Variants in ARSB observed in about 807,000 individuals in gnomAD.
ARSB encodes arylsulfatase B.
A neutral mutation model predicts 50.9 loss-of-function variants in ARSB; 41 were observed. That is an observed-to-expected ratio of 0.81 (90% CI 0.63 to 1.04). ARSB has a LOEUF of 1.04. ARSB is among the 50% of genes least tolerant of loss of function. The pLI is 0.00. For missense variants in ARSB, 672 were observed against 693.3 expected (o/e 0.97, Z 0.35); for synonymous variants, 269 against 284.8 (o/e 0.94, Z 0.56).
chr5:78,786,776 T>C (rs1475186652), intron 6 of ARSB, among the ~76,000 whole-genome samples: 4 of 152,162 alleles, frequency 2.6e-5, no homozygotes, highest in Admixed American at 6.5e-5. Flanking sequence ...CATGCCATCA[T>C]GCCCAGCTGA....
chr5:78,869,926 C>G (rs1285648635), intron 5 of ARSB, among the ~76,000 whole-genome samples: 4 of 151,062 alleles, frequency 2.6e-5, no homozygotes, highest in South Asian at 2.1e-4. Flanking sequence ...GCAAGACTAA[C>G]AAAGAAGAAA....
At chr5:78,862,979 T>G (rs530636200) in intron 5 of ARSB, among the ~76,000 whole-genome samples, 5 of 152,306 alleles carry the variant, frequency 3.3e-5, no homozygotes, top group Non-Finnish European at 5.9e-5. Context: ...AGAAGACATT[T>G]ATGCAGCCAA....
intron 5 of ARSB, among the ~76,000 whole-genome samples, chr5:78,876,389 G>C (rs1041133150): frequency 2.6e-5 from 4 of 152,182 alleles, no homozygotes; most frequent in African/African-American, 9.7e-5. Context: ...AGCCAAATTA[G>C]ATTTACTTAA....
chr5:78,905,449 ATGTT>A (rs1173366484), intron 4 of ARSB, among the ~76,000 whole-genome samples: 2 of 148,998 alleles, frequency 1.3e-5, no homozygotes, highest in Non-Finnish European at 3.0e-5. Context: ...GAGGGTGTTG[ATGTT>A]TGTTTGGTTA....
chr5:78,938,101 G>C (rs1269408665), intron 4 of ARSB, among the ~76,000 whole-genome samples: 2 of 152,138 alleles, frequency 1.3e-5, no homozygotes, highest in Non-Finnish European at 2.9e-5. Flanking sequence ...TAACCCATGG[G>C]AAGCAACACG....
At chr5:78,783,726 A>G (rs1452034417) in intron 6 of ARSB, among the ~76,000 whole-genome samples, 1 of 152,184 alleles carries the variant, frequency 6.6e-6, no homozygotes, top group Non-Finnish European at 1.5e-5. Context: ...AAATAAAACA[A>G]GCATGTTTTG....
At chr5:78,786,764 C>T (rs957045791) in intron 6 of ARSB, among the ~76,000 whole-genome samples, 8 of 152,312 alleles carry the variant, frequency 5.3e-5, no homozygotes, top group African/African-American at 1.4e-4. Flanking sequence ...GGACTACAGG[C>T]ACATGCCATC....
intron 6 of ARSB, among the ~76,000 whole-genome samples, chr5:78,828,279 A>AC (rs560627368): frequency 9.2e-5 from 14 of 151,454 alleles, no homozygotes; most frequent in East Asian, 1.9e-4. Flanking sequence ...TTCTTGCACC[A>AC]CCCCCCCATC....
intron 6 of ARSB, among the ~76,000 whole-genome samples, chr5:78,806,279 A>ACT (rs1743559892): frequency 1.3e-5 from 2 of 152,260 alleles, no homozygotes; most frequent in South Asian, 4.1e-4. Context: ...GGCATGTGTA[A>ACT]CAACTGTATA....
intron 4 of ARSB, among the ~76,000 whole-genome samples, chr5:78,893,976 G>A (rs1748453640): frequency 6.6e-6 from 1 of 152,194 alleles, no homozygotes; most frequent in Admixed American, 6.5e-5. Context: ...CACTCTTAGG[G>A]AGTGTTACAG....
intron 6 of ARSB, among the ~76,000 whole-genome samples, chr5:78,823,704 C>T (rs1744324536): frequency 6.6e-6 from 1 of 152,174 alleles, no homozygotes; most frequent in African/African-American, 2.4e-5. Flanking sequence ...AGAGACCAAG[C>T]TTCTGTGATG....
intron 4 of ARSB, among the ~76,000 whole-genome samples, chr5:78,923,232 TC>T (rs1749907799): frequency 6.6e-6 from 1 of 152,168 alleles, no homozygotes; most frequent in African/African-American, 2.4e-5. Context: ...CCAATAAGAT[TC>T]ATCTCACAGC....
chr5:78,903,247 G>A (rs1471979358), intron 4 of ARSB, among the ~76,000 whole-genome samples: 2 of 152,096 alleles, frequency 1.3e-5, no homozygotes, highest in Non-Finnish European at 2.9e-5. Flanking sequence ...TTGGATGAGA[G>A]GTGCGTTAAA....
intron 4 of ARSB, among the ~76,000 whole-genome samples, chr5:78,955,007 C>G (rs1561524506): frequency 6.6e-6 from 1 of 152,142 alleles, no homozygotes; most frequent in Non-Finnish European, 1.5e-5. Context: ...GGATTCACTA[C>G]CCAGCAGCCC....
At chr5:78,950,567 A>G (rs1461245667) in intron 4 of ARSB, among the ~76,000 whole-genome samples, 2 of 152,212 alleles carry the variant, frequency 1.3e-5, no homozygotes, top group Non-Finnish European at 2.9e-5. Context: ...CCAAAAATAA[A>G]GCCCTGAAAA....
intron 4 of ARSB, among the ~76,000 whole-genome samples, chr5:78,920,513 C>T (rs969064501): frequency 6.6e-6 from 1 of 152,172 alleles, no homozygotes; most frequent in Admixed American, 6.5e-5. Flanking sequence ...GAAAGATACA[C>T]TGTGAGACTT....
chr5:78,949,006 G>T (rs1751376935), intron 4 of ARSB, among the ~76,000 whole-genome samples: 1 of 152,122 alleles, frequency 6.6e-6, no homozygotes, highest in Non-Finnish European at 1.5e-5. Flanking sequence ...CATGAAATTA[G>T]CCATTTTAAA....
chr5:78,926,495 T>C (rs1264697453), intron 4 of ARSB, among the ~76,000 whole-genome samples: 1 of 152,146 alleles, frequency 6.6e-6, no homozygotes, highest in Non-Finnish European at 1.5e-5. Flanking sequence ...ACCAAATGAA[T>C]TGCATCTTTC....
intron 6 of ARSB, among the ~76,000 whole-genome samples, chr5:78,824,955 CACTT>C (rs1470470093): frequency 6.6e-6 from 1 of 152,164 alleles, no homozygotes; most frequent in Non-Finnish European, 1.5e-5. Flanking sequence ...ATTTTTCTCT[CACTT>C]GCTTACTTTT....
Sources: gnomAD v4.1 joint callset for allele counts (sites outside exome capture counted in the v4.1 genomes callset) on GRCh38, gnomAD v4.1.1 for gene constraint, MANE v1.5 for transcripts, NCBI Gene and HGNC (gene_info 2026-07-23, HGNC 2026-07-21) for gene names.